The following EIF4G3 variants were observed in gnomAD, a reference collection of about 807,000 sequenced individuals.
EIF4G3 encodes the protein eIF-4-gamma 3.
In EIF4G3, 34 loss-of-function variants were observed where a neutral mutation model predicts 186.4. The ratio of observed to expected loss-of-function variants is 0.18; its 90% CI spans 0.14 to 0.24. EIF4G3 has a LOEUF of 0.24. EIF4G3 is among the 10% of genes least tolerant of loss of function. EIF4G3 has a pLI of 1.00. For synonymous variants in EIF4G3, 673 were observed against 679.5 expected, an observed-to-expected ratio of 0.99 and a Z score of 0.15; for missense variants, 1,536 against 1,948.5, an observed-to-expected ratio of 0.79 and a Z score of 3.99.
At chr1:20,885,306 T>C (rs764625317) in intron 19 of EIF4G3, among the ~76,000 whole-genome samples, 6 of 152,226 alleles carry the variant, frequency 3.9e-5, no homozygotes, top group Non-Finnish European at 8.8e-5. Context: ...CCAGGAACCA[T>C]GCCAAATGGT....
chr1:20,979,679 A>G (rs2077552845), intron 10 of EIF4G3, among the ~76,000 whole-genome samples: 5 of 152,192 alleles, frequency 3.3e-5, no homozygotes, highest in African/African-American at 4.8e-5. Context: ...ATCAGCTTGT[A>G]AAGAAGATGT....
intron 12 of EIF4G3, among the ~76,000 whole-genome samples, chr1:20,959,014 T>C (rs769407050): frequency 6.6e-6 from 1 of 151,704 alleles, no homozygotes; most frequent in Non-Finnish European, 1.5e-5. Flanking sequence ...CTCATCAAAA[T>C]ACCAACGTTT....
intron 4 of EIF4G3, among the ~76,000 whole-genome samples, chr1:21,012,831 C>T (rs1280310453): frequency 6.6e-6 from 1 of 152,052 alleles, no homozygotes; most frequent in Non-Finnish European, 1.5e-5. Flanking sequence ...AGAAAGAATC[C>T]ACAGATCCTC....
intron 2 of EIF4G3, among the ~76,000 whole-genome samples, chr1:21,125,056 C>A (rs972567598): frequency 6.6e-5 from 10 of 152,018 alleles, no homozygotes; most frequent in East Asian, 5.8e-4. Flanking sequence ...TGTAAACAGG[C>A]AGTATCAGCT....
chr1:20,846,883 A>G (rs1571557672), intron 29 of EIF4G3, among the ~76,000 whole-genome samples: 2 of 152,244 alleles, frequency 1.3e-5, no homozygotes, highest in South Asian at 2.1e-4. Flanking sequence ...AAATATAGGT[A>G]TAAGAACTTG....
chr1:20,825,652 TAC>T (rs1309249704), intron 32 of EIF4G3, among the ~76,000 whole-genome samples: 1 of 152,194 alleles, frequency 6.6e-6, no homozygotes, highest in Non-Finnish European at 1.5e-5. Flanking sequence ...AAAAGTCCAA[TAC>T]ACAGAGTTTA....
chr1:20,907,625 A>G (rs2092457966), intron 14 of EIF4G3, among the ~76,000 whole-genome samples: 1 of 148,402 alleles, frequency 6.7e-6, no homozygotes, highest in Non-Finnish European at 1.5e-5. Flanking sequence ...CCCACCTATG[A>G]GTGAGAACAT....
chr1:21,159,629 G>A, intron 2 of EIF4G3, among the ~76,000 whole-genome samples: 1 of 151,818 alleles, frequency 6.6e-6, no homozygotes, highest in East Asian at 2.0e-4. Flanking sequence ...AATTCCAACT[G>A]CTTGGGAGGC....
intron 2 of EIF4G3, among the ~76,000 whole-genome samples, chr1:21,154,860 G>A (rs1386044009): frequency 6.6e-6 from 1 of 152,050 alleles, no homozygotes; most frequent in African/African-American, 2.4e-5. Context: ...CTCATTATTT[G>A]AGTATTGAAA....
chr1:21,114,289 G>C (rs2096779076), intron 2 of EIF4G3, among the ~76,000 whole-genome samples: 1 of 152,018 alleles, frequency 6.6e-6, no homozygotes, highest in African/African-American at 2.4e-5. Flanking sequence ...TGGGACTACA[G>C]GTGCATGCCA....
At chr1:20,934,216 A>G (rs989683476) in intron 14 of EIF4G3, among the ~76,000 whole-genome samples, 2 of 152,242 alleles carry the variant, frequency 1.3e-5, no homozygotes, top group Admixed American at 1.3e-4. Context: ...CCTGCTGAGG[A>G]AGATTCCACT....
Position 20,942,141 on chromosome 1 carries a change from G to C in EIF4G3, c.1013C>G (p.Pro338Arg). ...TTGGCTACTAAGAGCAGAAGAGGTG[G>C]GGGCTGCAATTGTACTTCGAGCAAC... ...SSVARSTIAA[P>R]TSSALSSQPI... Residue 338 changes from proline (P) to arginine (R), a missense_variant, in exon 14 of 37, where the codon CCC becomes CGC. Physicochemically the swap from Pro to Arg is moderately radical, Grantham distance 103. This residue lies in a region of EIF4G3 where 560 missense variants were observed against 547.8 expected (regional missense o/e 1.02). Transcript: ENST00000602326. 1.2e-6 allele frequency: 2 copies of C among 1,614,104 alleles called. No homozygotes were observed. Among genetic ancestry groups the C allele is most frequent in the Non-Finnish European group, 1.7e-6 (2 of 1,179,998 alleles).
chr1:20,973,332 C>G (rs1373934379), intron 10 of EIF4G3, among the ~76,000 whole-genome samples: 3 of 151,732 alleles, frequency 2.0e-5, no homozygotes, highest in African/African-American at 7.3e-5. Context: ...ATGAAAACCA[C>G]TAAATACTCG....
intron 10 of EIF4G3, among the ~76,000 whole-genome samples, chr1:20,977,983 TA>T (rs901577130): frequency 1.3e-5 from 2 of 152,182 alleles, no homozygotes; most frequent in Non-Finnish European, 2.9e-5. Flanking sequence ...AAGACATCTT[TA>T]AAAATGATGT....
chr1:21,087,726 T>C (rs1183920197), intron 3 of EIF4G3, among the ~76,000 whole-genome samples: 1 of 152,072 alleles, frequency 6.6e-6, no homozygotes, highest in Non-Finnish European at 1.5e-5. Context: ...CTCCGCCTCC[T>C]GGGTTCACGC....
At chr1:21,134,361 T>C (rs913335259) in intron 2 of EIF4G3, among the ~76,000 whole-genome samples, 1 of 152,030 alleles carries the variant, frequency 6.6e-6, no homozygotes, top group Admixed American at 6.6e-5. Flanking sequence ...TATACATATA[T>C]AGTAAATATA....
intron 2 of EIF4G3, among the ~76,000 whole-genome samples, chr1:21,127,091 TCC>T (rs2097060490): frequency 6.6e-6 from 1 of 152,030 alleles, no homozygotes. Flanking sequence ...CAAGCAATCC[TCC>T]CACTTCAGCG....
At position 20,862,249 on chromosome 1, in the gene EIF4G3, T is replaced by C; in HGVS notation, c.3090A>G (p.Gln1030=). The C allele has an allele frequency of 6.2e-7, 1 of 1,608,712 alleles. No individual in the cohort carries two copies. Among genetic ancestry groups the C allele is most frequent in the Non-Finnish European group, 8.5e-7 (1 of 1,176,454 alleles). ...TCACCAGCCTTAGGTCTATAACATC[T>C]TGAAGCATGAACCGAATCCTAGATG... ...KTSSRIRFML[Q]DVIDLRLCNW... The change falls in exon 23 of 37, where the codon CAA becomes CAG. Residue 1030 remains glutamine, a synonymous_variant. Coordinates refer to ENST00000602326, the MANE Select transcript of EIF4G3 (RefSeq NM_001391906.1).
intron 2 of EIF4G3, among the ~76,000 whole-genome samples, chr1:21,154,628 G>A (rs1324417104): frequency 6.6e-6 from 1 of 152,068 alleles, no homozygotes; most frequent in African/African-American, 2.4e-5. Context: ...CATATCCAAC[G>A]GTTCATCTGA....
Sources: gnomAD v4.1 joint callset for allele counts (sites outside exome capture counted in the v4.1 genomes callset) on GRCh38, gnomAD v4.1.1 for gene constraint, gnomAD v4.1.1 regional missense constraint, MANE v1.5 for transcripts, NCBI Gene and HGNC (gene_info 2026-07-23, HGNC 2026-07-21) for gene names.